Variants in SNAPC3 observed in about 807,000 individuals in gnomAD.
SNAPC3 encodes the protein small nuclear RNA activating complex polypeptide 3.
Under a neutral mutation model 47.7 loss-of-function variants are expected in SNAPC3, and 56 were observed. The observed-to-expected ratio is 1.18, with a 90% CI of 0.95 to 1.47. SNAPC3 has a LOEUF of 1.47. Among genes scored for constraint, SNAPC3 ranks in the 40% most tolerant of loss-of-function variants. The pLI is 0.00. For synonymous variants in SNAPC3, 235 were observed against 189.9 expected, an observed-to-expected ratio of 1.24 and a Z score of -1.95; for missense variants, 665 against 511.3, an observed-to-expected ratio of 1.30 and a Z score of -2.90.
chr9:15,429,852 A>G (rs542056568), intron 2 of SNAPC3, among the ~76,000 whole-genome samples: 5 of 152,290 alleles, frequency 3.3e-5, no homozygotes, highest in East Asian at 1.9e-4. Context: ...CAAGAGACAC[A>G]TCTAAAATAA....
chr9:15,466,644 CA>C, downstream of SNAPC3: 2 of 844,456 alleles, frequency 2.4e-6, no homozygotes, highest in Non-Finnish European at 3.5e-6. Context: ...ATTGGGTGAT[CA>C]AAAGATAACT....
At position 15,460,002 on chromosome 9, in the gene SNAPC3, A is replaced by G; in HGVS notation, c.*136A>G. On this transcript the variant is annotated 3_prime_UTR_variant, in exon 9 of 9. Coordinates refer to ENST00000380821, the MANE Select transcript of SNAPC3 (RefSeq NM_001039697.2). ...CTAAAGCTATCAAAAAAAAGTCCAAATGACAGATTTTCTTATAATGATAGT... is the reference window on the plus strand; with the variant it reads ...CTAAAGCTATCAAAAAAAAGTCCAAGTGACAGATTTTCTTATAATGATAGT... 1 of 608,196 alleles carries G rather than the reference A, an allele frequency of 1.6e-6. No homozygotes were observed. The highest frequency in any genetic ancestry group is 2.7e-6 in the Non-Finnish European group (1 of 375,460). The allele number at this position is 608,196 out of a possible 1,614,324, so 37.7% of individuals were successfully genotyped here. A position where few individuals can be genotyped will look rare whatever the true frequency, so the allele number is the denominator to read the frequency against.
chr9:15,464,883 T>G (rs936157319), downstream of SNAPC3: 11 of 212,190 alleles, frequency 5.2e-5, no homozygotes, highest in Non-Finnish European at 8.6e-5. Flanking sequence ...TTTTATAGTT[T>G]GTAGAATTCT....
At chr9:15,440,994 T>C (rs911747221) in intron 3 of SNAPC3, among the ~76,000 whole-genome samples, 3 of 151,970 alleles carry the variant, frequency 2.0e-5, no homozygotes, top group African/African-American at 7.2e-5. Context: ...TCCGTCTATC[T>C]GCCCATTCTC....
intron 3 of SNAPC3, among the ~76,000 whole-genome samples, chr9:15,440,125 C>G (rs769532212): frequency 3.3e-5 from 5 of 152,102 alleles, no homozygotes; most frequent in Admixed American, 6.5e-5. Flanking sequence ...ATTGTGTGTC[C>G]ATTAACATAA....
chr9:15,443,480 T>C (rs989041940), intron 3 of SNAPC3, among the ~76,000 whole-genome samples: 2 of 152,168 alleles, frequency 1.3e-5, no homozygotes, highest in Non-Finnish European at 2.9e-5. Flanking sequence ...ACGATTATTG[T>C]AGCACGTGTA....
chr9:15,437,522 C>T lies in SNAPC3; in HGVS notation c.477+3886C>T, dbSNP rs183918330. 3.9e-5 allele frequency among the ~76,000 whole-genome samples: 6 copies of T among 152,238 alleles called. No individual in the cohort carries two copies. In the East Asian group the frequency reaches 5.8e-4, roughly 15 times the overall value. On this transcript the variant is annotated intron_variant, in intron 3 of 8. Transcript: ENST00000380821. ...TGCTGGGATTACAGGCGTGAGCCAC[C>T]GCACCCGGCCCTGTTCCTATTTTCT... is the stretch of plus-strand genomic sequence containing the variant.
chr9:15,432,421 A>G (rs2032280330), intron 2 of SNAPC3, among the ~76,000 whole-genome samples: 1 of 152,204 alleles, frequency 6.6e-6, no homozygotes, highest in Non-Finnish European at 1.5e-5. Context: ...ACCTTTTTCC[A>G]GTAAAGGAAC....
intron 7 of SNAPC3, among the ~76,000 whole-genome samples, chr9:15,455,158 A>C (rs543028779): frequency 6.6e-6 from 1 of 152,208 alleles, no homozygotes; most frequent in Non-Finnish European, 1.5e-5. Context: ...ATGGAAAACA[A>C]TTGCCCCTAG....
chr9:15,437,907 T>C (rs1406740192), intron 3 of SNAPC3, among the ~76,000 whole-genome samples: 2 of 152,216 alleles, frequency 1.3e-5, no homozygotes, highest in Non-Finnish European at 2.9e-5. Context: ...GTTGAGATTA[T>C]TGCATTCCTA....
At chr9:15,435,169 T>G (rs1234955769) in intron 3 of SNAPC3, among the ~76,000 whole-genome samples, 2 of 152,236 alleles carry the variant, frequency 1.3e-5, no homozygotes, top group Non-Finnish European at 2.9e-5. Context: ...TAACTAGTGA[T>G]GCTGAACATC....
intron 3 of SNAPC3, 140 bp downstream of exon 3, chr9:15,433,776 T>G (rs2032465663): frequency 3.9e-6 from 2 of 516,090 alleles, no homozygotes; most frequent in Non-Finnish European, 3.4e-6. Flanking sequence ...CCTTTGAGTC[T>G]GGGAACTAGT....
chr9:15,422,963 C>T lies in SNAPC3; in HGVS notation c.84C>T (p.Asn28=), dbSNP rs1223634059. 1 of 1,538,844 alleles carries T rather than the reference C, an allele frequency of 6.5e-7. No individual in the cohort carries two copies. Among genetic ancestry groups the T allele is most frequent in the Non-Finnish European group, 8.7e-7 (1 of 1,148,058 alleles). The part of the protein sequence containing the change: ...QDPVSGSGGC[N]FPEYELPELN... The stretch of plus-strand genomic sequence containing the variant: ...CAGTCTCCGGCAGTGGCGGCTGCAA[C>T]TTTCCAGAGTATGAGCTTCCCGAGC... Residue 28 remains asparagine (N), a synonymous_variant, in exon 1 of 9, where the codon AAC becomes AAT. Transcript: ENST00000380821.
chr9:15,447,979 T>C (rs2034075595), intron 5 of SNAPC3, among the ~76,000 whole-genome samples: 2 of 152,150 alleles, frequency 1.3e-5, no homozygotes, highest in Non-Finnish European at 2.9e-5. Flanking sequence ...ATTTACCTAA[T>C]AAAGCAGGAG....
Position 15,424,670 on chromosome 9 carries a change from T to A in SNAPC3, c.392+684T>A, listed in dbSNP as rs866778094. Reference sequence around the variant, plus strand: ...TAACAAATAGGTCATAGATGAATTCTGGTCTGCCTACCACTCTTTGAGAGG... The same window carrying A: ...TAACAAATAGGTCATAGATGAATTCAGGTCTGCCTACCACTCTTTGAGAGG... On this transcript the variant is annotated intron_variant, in intron 2 of 8. Transcript: ENST00000380821. Among the ~76,000 whole-genome samples, 158 of 152,356 alleles carry A rather than the reference T, an allele frequency of 1.0e-3. 1 individual carries two copies. Among genetic ancestry groups the A allele is most frequent in the African/African-American group, 3.7e-3 (154 of 41,580 alleles).
At position 15,433,571 on chromosome 9, in the gene SNAPC3, G is replaced by T; in HGVS notation, c.412G>T (p.Glu138Ter). 1.2e-6 allele frequency: 2 copies of T among 1,604,938 alleles called. No homozygotes were observed. The change falls in exon 3 of 9, where the codon GAA becomes TAA. Residue 138 changes from glutamate (E) to a stop codon, truncating the protein, a stop_gained. Coordinates refer to ENST00000380821, the MANE Select transcript of SNAPC3 (RefSeq NM_001039697.2). LOFTEE classifies it high-confidence loss of function. ...VTLGVRKRFLEHREETITIDR... is the reference protein window; with the variant it reads ...VTLGVRKRFL ...CAACAGGGTTAGAAAAAGGTTCTTG[G>T]AACATCGGGAAGAAACCATTACAAT...
At chr9:15,430,408 G>T (rs1408354564) in intron 2 of SNAPC3, among the ~76,000 whole-genome samples, 2 of 151,516 alleles carry the variant, frequency 1.3e-5, no homozygotes, top group Non-Finnish European at 2.9e-5. Flanking sequence ...CTCCAGCCTG[G>T]GCAACAGAAA....
intron 3 of SNAPC3, among the ~76,000 whole-genome samples, chr9:15,434,091 G>T (rs2032503897): frequency 6.6e-6 from 1 of 152,178 alleles, no homozygotes; most frequent in South Asian, 2.1e-4. Context: ...ACTTGATCAT[G>T]CATACGGGCA....
chr9:15,423,071 G>A lies in SNAPC3; in HGVS notation c.192G>A (p.Arg64=). The change falls in exon 1 of 9, where the codon AGG becomes AGA. Residue 64 remains arginine, a synonymous_variant. Coordinates refer to ENST00000380821, the MANE Select transcript of SNAPC3 (RefSeq NM_001039697.2). ...RLRGAGDLSL[R]EPPASALPGS... Reference sequence around the variant, plus strand: ...GCGGGGCCGGGGACTTGTCGCTGAGGGAGCCGCCGGCATCCGCTCTGCCTG... The same window carrying A: ...GCGGGGCCGGGGACTTGTCGCTGAGAGAGCCGCCGGCATCCGCTCTGCCTG... 6.6e-7 allele frequency: 1 copy of A among 1,518,002 alleles called. No individual in the cohort carries two copies. The highest frequency in any genetic ancestry group is 8.8e-7 in the Non-Finnish European group (1 of 1,141,726). 94.0% of individuals were successfully genotyped at this position (1,518,002 alleles called of 1,614,324 possible). A position where few individuals can be genotyped will look rare whatever the true frequency, so the allele number is the denominator to read the frequency against.
Sources: gnomAD v4.1 joint callset for allele counts (sites outside exome capture counted in the v4.1 genomes callset) on GRCh38, gnomAD v4.1.1 for gene constraint, MANE v1.5 for transcripts, NCBI Gene and HGNC (gene_info 2026-07-23, HGNC 2026-07-21) for gene names.